Variants in B3GLCT observed in about 807,000 individuals in gnomAD.
The protein encoded by B3GLCT is beta 3-glucosyltransferase, also known as beta-1,3-glucosyltransferase.
Under a neutral mutation model 63.4 loss-of-function variants are expected in B3GLCT, and 65 were observed. The ratio of observed to expected loss-of-function variants is 1.03; its 90% confidence interval spans 0.84 to 1.26. B3GLCT has a LOEUF of 1.26. Among genes scored for constraint, B3GLCT ranks in the 50% most tolerant of loss-of-function variants. B3GLCT has a pLI of 0.00. For synonymous variants in B3GLCT, 233 were observed against 219.2 expected (o/e 1.06, Z -0.55); for missense variants, 577 against 604.8 (o/e 0.95, Z 0.48).
At chr13:31,201,431 A>C (rs1045785321) in intron 1 of B3GLCT, among the ~76,000 whole-genome samples, 6 of 152,198 alleles carry the variant, frequency 3.9e-5, no homozygotes, top group African/African-American at 1.4e-4. Flanking sequence ...CACCTCCGGC[A>C]GAGAAGGCTG....
At chr13:31,230,710 T>TA (rs1410537711) in intron 4 of B3GLCT, among the ~76,000 whole-genome samples, 4 of 152,260 alleles carry the variant, frequency 2.6e-5, no homozygotes, top group African/African-American at 4.8e-5. Flanking sequence ...CTTGATAAGT[T>TA]AAAAATTTTT....
intron 12 of B3GLCT, among the ~76,000 whole-genome samples, chr13:31,313,158 G>A (rs1340953558): frequency 2.0e-5 from 3 of 152,134 alleles, no homozygotes; most frequent in African/African-American, 7.2e-5. Flanking sequence ...TCATGAGTGG[G>A]GATGGGAAAG....
chr13:31,200,275 G>GCGCGTCCCGCCGTCCGGTCCC (rs1405079484), intron 1 of B3GLCT, 121 bp downstream of exon 1: 12 of 428,552 alleles, frequency 2.8e-5, no homozygotes, highest in Admixed American at 6.3e-5. Flanking sequence ...CCGCCGGCGC[G>GCGCGTCCCGCCGTCCGGTCCC]CGCGTCCCGC....
At chr13:31,273,374 G>A (rs541123588) in intron 8 of B3GLCT, among the ~76,000 whole-genome samples, 9 of 152,348 alleles carry the variant, frequency 5.9e-5, no homozygotes, top group East Asian at 1.9e-4. Context: ...GATTATAGGC[G>A]TGAGCCACCA....
At chr13:31,247,420 C>T (rs1199783108) in intron 5 of B3GLCT, among the ~76,000 whole-genome samples, 3 of 152,022 alleles carry the variant, frequency 2.0e-5, no homozygotes, top group Admixed American at 1.3e-4. Context: ...TGACTACAGG[C>T]GTGCACCACC....
At chr13:31,323,022 A>T (rs1316052275) in intron 13 of B3GLCT, among the ~76,000 whole-genome samples, 1 of 152,084 alleles carries the variant, frequency 6.6e-6, no homozygotes, top group African/African-American at 2.4e-5. Flanking sequence ...TTCTTTTTAT[A>T]CCTTCCTATT....
intron 1 of B3GLCT, among the ~76,000 whole-genome samples, chr13:31,209,622 T>G (rs762639808): frequency 1.8e-4 from 28 of 152,158 alleles, no homozygotes; most frequent in Non-Finnish European, 3.4e-4. Flanking sequence ...GTACCGGGTT[T>G]TATGCTCTCC....
chr13:31,298,280 C>T (rs988180638), intron 12 of B3GLCT, among the ~76,000 whole-genome samples: 4 of 152,216 alleles, frequency 2.6e-5, no homozygotes, highest in African/African-American at 7.2e-5. Context: ...AGCCTACCCT[C>T]GTTCTTCAGA....
chr13:31,247,991 C>G (rs202155585), intron 6 of B3GLCT, 25 bp downstream of exon 6: 67 of 1,270,462 alleles, frequency 5.3e-5, no homozygotes, highest in Non-Finnish European at 7.1e-5. Context: ...AATACCAGTT[C>G]TTATTTTGGG....
At chr13:31,283,783 A>T (rs1161788960) in intron 10 of B3GLCT, among the ~76,000 whole-genome samples, 1 of 152,188 alleles carries the variant, frequency 6.6e-6, no homozygotes, top group Non-Finnish European at 1.5e-5. Flanking sequence ...AAGATACATG[A>T]TCTGATAAAG....
chr13:31,240,218 A>G (rs528514763), intron 4 of B3GLCT, among the ~76,000 whole-genome samples: 1 of 152,194 alleles, frequency 6.6e-6, no homozygotes, highest in East Asian at 1.9e-4. Context: ...GTTGGATTAC[A>G]TTTTCTGCTT....
At chr13:31,317,748 G>A in intron 13 of B3GLCT, 63 bp downstream of exon 13, 1 of 1,605,948 alleles carries the variant, frequency 6.2e-7, no homozygotes, top group Non-Finnish European at 8.5e-7. Context: ...CACACGAGAG[G>A]TAGGTCTCTG....
intron 6 of B3GLCT, among the ~76,000 whole-genome samples, chr13:31,252,874 T>C (rs1238709543): frequency 1.3e-5 from 2 of 152,164 alleles, no homozygotes; most frequent in African/African-American, 4.8e-5. Flanking sequence ...AACAGACATC[T>C]ACAGAACTCG....
At chr13:31,278,571 C>T (rs547225962) in intron 10 of B3GLCT, among the ~76,000 whole-genome samples, 2 of 152,138 alleles carry the variant, frequency 1.3e-5, no homozygotes, top group East Asian at 1.9e-4. Context: ...TGTGGTAAGC[C>T]GTTTTTCAAC....
intron 12 of B3GLCT, among the ~76,000 whole-genome samples, chr13:31,299,287 A>G (rs1335437765): frequency 6.6e-6 from 1 of 152,204 alleles, no homozygotes; most frequent in Non-Finnish European, 1.5e-5. Context: ...TGAGGAGACT[A>G]TCTCTGTGCC....
intron 10 of B3GLCT, among the ~76,000 whole-genome samples, chr13:31,284,125 G>C (rs186970016): frequency 2.0e-5 from 3 of 152,136 alleles, no homozygotes; most frequent in African/African-American, 7.2e-5. Flanking sequence ...CAGTAGTTTT[G>C]AATGTTAGTA....
chr13:31,249,489 A>G (rs764798323), intron 6 of B3GLCT, among the ~76,000 whole-genome samples: 1 of 152,128 alleles, frequency 6.6e-6, no homozygotes, highest in Non-Finnish European at 1.5e-5. Context: ...AAAACTCCCA[A>G]ATCTTTTTTA....
chr13:31,237,507 C>T lies in B3GLCT; in HGVS notation c.270+8213C>T, dbSNP rs1399460574. ...CAGCTGGAGTTACAGGTGCCTACTA[C>T]CACGCCTGGCTGATTTTTTGTATTT... On this transcript the variant is annotated intron_variant, in intron 4 of 14. Transcript: ENST00000343307. 2.6e-5 allele frequency among the ~76,000 whole-genome samples: 4 copies of T among 152,040 alleles called. No individual in the cohort carries two copies. In the East Asian group the frequency reaches 7.7e-4, roughly 29 times the overall value.
intron 13 of B3GLCT, 25 bp from the exon 14 acceptor site, chr13:31,323,726 C>T (rs2137946982): frequency 8.1e-6 from 13 of 1,614,018 alleles, no homozygotes; most frequent in Non-Finnish European, 1.0e-5. Flanking sequence ...TCTCTAACCC[C>T]TTTCTCTGCT....
Sources: gnomAD v4.1 joint callset for allele counts (sites outside exome capture counted in the v4.1 genomes callset) on GRCh38, gnomAD v4.1.1 for gene constraint, MANE v1.5 for transcripts, NCBI Gene and HGNC (gene_info 2026-07-23, HGNC 2026-07-21) for gene names.